Variants in ITPR1 observed in about 807,000 individuals in gnomAD.
ITPR1 encodes the protein inositol 1,4,5-trisphosphate-gated calcium channel ITPR1.
Under a neutral mutation model 318.4 loss-of-function variants are expected in ITPR1, and 96 were observed. That is an observed-to-expected ratio of 0.30 (90% CI 0.26 to 0.36). ITPR1 has a LOEUF of 0.36. Ranked by LOEUF, ITPR1 falls within the 10% of genes least tolerant of loss-of-function variation. The probability of loss-of-function intolerance (pLI) is 1.00; values close to 1 mark genes in which losing one functional copy is unlikely to be tolerated. For missense variants in ITPR1, 2,440 were observed against 3,460.2 expected (o/e 0.71, Z 7.40); for synonymous variants, 1,312 against 1,289.9 (o/e 1.02, Z -0.37).
chr3:4,822,366 A>G (rs2049783736), intron 60 of ITPR1, among the ~76,000 whole-genome samples: 1 of 152,190 alleles, frequency 6.6e-6, no homozygotes, highest in Admixed American at 6.5e-5. Context: ...GTCACTAAGA[A>G]AAGTCAGAGT....
intron 2 of ITPR1, 141 bp from the exon 3 acceptor site, chr3:4,516,335 C>G (rs2082169178): frequency 1.9e-6 from 1 of 525,402 alleles, no homozygotes; most frequent in African/African-American, 2.0e-5. Flanking sequence ...CATTGAATCG[C>G]CTGCCTGTCA....
chr3:4,693,675 G>A lies in ITPR1; in HGVS notation c.4215G>A (p.Lys1405=). The change falls in exon 33 of 62, where the codon AAG becomes AAA. Residue 1405 remains lysine (K), a synonymous_variant. Transcript: ENST00000649015. ...TEGKNVYTEI[K]CNSLLPLDDI... is the part of the protein sequence containing the mutation. ...GTAAGAATGTCTACACAGAGATCAA[G>A]TGCAACTCCCTGCTCCCGCTGGATG... The A allele has an allele frequency of 6.2e-7, 1 of 1,614,096 alleles. No individual in the cohort carries two copies. The highest frequency in any genetic ancestry group is 8.5e-7 in the Non-Finnish European group (1 of 1,179,936).
chr3:4,809,556 A>T (rs2048803792), intron 55 of ITPR1, among the ~76,000 whole-genome samples: 1 of 151,930 alleles, frequency 6.6e-6, no homozygotes, highest in South Asian at 2.1e-4. Context: ...TATTGAGCGA[A>T]TGTCTCTAGA....
At chr3:4,566,960 G>A (rs1428750960) in intron 4 of ITPR1, among the ~76,000 whole-genome samples, 3 of 152,198 alleles carry the variant, frequency 2.0e-5, no homozygotes, top group African/African-American at 7.2e-5. Context: ...ATCTTGAGAG[G>A]TAATGCAATG....
intron 4 of ITPR1, among the ~76,000 whole-genome samples, chr3:4,603,767 A>T (rs971034864): frequency 6.6e-6 from 1 of 152,092 alleles, no homozygotes; most frequent in Non-Finnish European, 1.5e-5. Flanking sequence ...GGTCAATTCC[A>T]TGTCTTTGCT....
At chr3:4,738,135 A>G (rs9852752) in intron 44 of ITPR1, among the ~76,000 whole-genome samples, 39,772 of 152,018 alleles carry the variant, frequency 0.26, 6,561 homozygotes, top group African/African-American at 0.47. Flanking sequence ...AGAGTGGTGA[A>G]GCAATCTATG....
chr3:4,816,689 G>A (rs539547906), intron 59 of ITPR1, among the ~76,000 whole-genome samples: 2 of 152,170 alleles, frequency 1.3e-5, no homozygotes, highest in Non-Finnish European at 2.9e-5. Context: ...GCGCCCAGCC[G>A]TGATACTAAC....
chr3:4,717,436 T>C (rs749756348), intron 40 of ITPR1, 37 bp downstream of exon 40: 95 of 1,532,992 alleles, frequency 6.2e-5, no homozygotes, highest in Non-Finnish European at 8.4e-5. Flanking sequence ...TCATGTCTCA[T>C]GGTGGTGTTT....
rs1275653651 is a variant in ITPR1, at chr3:4,787,563, A to G, written c.6616-384A>G. Among the ~76,000 whole-genome samples the G allele has an allele frequency of 1.3e-4, 19 of 147,948 alleles. 2 individuals carry two copies. Among genetic ancestry groups the G allele is most frequent in the Admixed American group, 6.7e-5 (1 of 14,832 alleles). ...AAAAAAAAAAAAAAGCCAGGCGTGA[A>G]GGTGCGTGCCTGTAATCCCAGCTAC... On this transcript the variant is annotated intron_variant, in intron 51 of 61. Coordinates refer to ENST00000649015, the MANE Select transcript of ITPR1 (RefSeq NM_001378452.1).
chr3:4,495,827 C>T (rs889570607), intron 2 of ITPR1, among the ~76,000 whole-genome samples: 1 of 152,106 alleles, frequency 6.6e-6, no homozygotes, highest in African/African-American at 2.4e-5. Context: ...ACAAATGGAC[C>T]TCAGTTGATT....
chr3:4,550,277 C>T (rs1447631059), intron 4 of ITPR1, among the ~76,000 whole-genome samples: 1 of 152,142 alleles, frequency 6.6e-6, no homozygotes, highest in African/African-American at 2.4e-5. Context: ...CAGCAAGCTT[C>T]CCCATCTCAC....
intron 24 of ITPR1, among the ~76,000 whole-genome samples, chr3:4,677,961 C>T (rs182422709): frequency 5.3e-5 from 8 of 152,102 alleles, no homozygotes; most frequent in African/African-American, 1.2e-4. Flanking sequence ...CTTTCTGTGC[C>T]GTGTAGGTAA....
At chr3:4,570,354 AGT>A (rs997037646) in intron 4 of ITPR1, among the ~76,000 whole-genome samples, 8 of 152,212 alleles carry the variant, frequency 5.3e-5, no homozygotes, top group African/African-American at 1.7e-4. Context: ...TGTGAATGTG[AGT>A]GTATTTAAAA....
Position 4,581,048 on chromosome 3 carries a change from T to C in ITPR1, c.164-46715T>C, listed in dbSNP as rs578124214. Among the ~76,000 whole-genome samples, 8 of 152,308 alleles carry C rather than the reference T, an allele frequency of 5.3e-5. No homozygotes were observed. In the East Asian group the frequency reaches 1.5e-3, roughly 29 times the overall value. On this transcript the variant is annotated intron_variant, in intron 4 of 61. Transcript: ENST00000649015. ...TGGGATATAAACCTGTCCCGACTCC[T>C]CCACATACCAAACTCAAACGTTTCA...
rs2051850344 is a variant in ITPR1, at chr3:4,847,250, T to C, written c.*1025T>C. 6.6e-6 allele frequency: 1 copy of C among 152,638 alleles called. No individual in the cohort carries two copies. Among genetic ancestry groups the C allele is most frequent in the Non-Finnish European group, 1.5e-5 (1 of 68,026 alleles). 9.5% of individuals were successfully genotyped at this position (152,638 alleles called of 1,614,324 possible). A position where few individuals can be genotyped will look rare whatever the true frequency, so the allele number is the denominator to read the frequency against. On this transcript the variant is annotated 3_prime_UTR_variant, in exon 62 of 62. Coordinates refer to ENST00000649015, the MANE Select transcript of ITPR1 (RefSeq NM_001378452.1). The stretch of plus-strand genomic sequence containing the variant: ...TAGAAGTCATAGTTGACCACAGACA[T>C]GTTATTCTTCTGAAAGAGCCACATT...
chr3:4,804,014 G>A (rs1410788641), intron 54 of ITPR1, among the ~76,000 whole-genome samples: 1 of 152,178 alleles, frequency 6.6e-6, no homozygotes, highest in African/African-American at 2.4e-5. Flanking sequence ...TGGGACTACA[G>A]GTGTGTGCCG....
intron 24 of ITPR1, among the ~76,000 whole-genome samples, chr3:4,679,814 G>C (rs2094260884): frequency 6.6e-6 from 1 of 152,174 alleles, no homozygotes; most frequent in Non-Finnish European, 1.5e-5. Context: ...CAGTCTGTAG[G>C]ACACATACAC....
chr3:4,568,517 G>T (rs2087623235), intron 4 of ITPR1, among the ~76,000 whole-genome samples: 1 of 152,176 alleles, frequency 6.6e-6, no homozygotes, highest in Admixed American at 6.5e-5. Context: ...TGGTAATATA[G>T]GGAGCTGTGT....
At chr3:4,631,398 AAAAAT>A (rs2093011365) in intron 5 of ITPR1, among the ~76,000 whole-genome samples, 2 of 152,334 alleles carry the variant, frequency 1.3e-5, no homozygotes, top group South Asian at 4.1e-4. Context: ...TTATGCTTGC[AAAAAT>A]ATGTATGTTA....
Sources: gnomAD v4.1 joint callset for allele counts (sites outside exome capture counted in the v4.1 genomes callset) on GRCh38, gnomAD v4.1.1 for gene constraint, MANE v1.5 for transcripts, NCBI Gene and HGNC (gene_info 2026-07-23, HGNC 2026-07-21) for gene names.